The following CCDC146 variants were observed in gnomAD, a reference collection of about 807,000 sequenced individuals.
CCDC146 encodes the protein coiled-coil domain containing 146.
Under a neutral mutation model 119.3 loss-of-function variants are expected in CCDC146, and 92 were observed. The observed-to-expected ratio is 0.77, with a 90% confidence interval of 0.65 to 0.92. The LOEUF (loss-of-function observed/expected upper bound fraction) is 0.92, where lower values mean the gene tolerates loss of function less well. Ranked by LOEUF, CCDC146 falls within the 40% of genes least tolerant of loss-of-function variation. The pLI, the probability that CCDC146 is intolerant of heterozygous loss-of-function variation, is 0.00. For missense variants in CCDC146, 1,000 were observed against 1,103.0 expected (o/e 0.91, Z 1.32); for synonymous variants, 372 against 371.8 (o/e 1.00, Z -0.01).
intron 2 of CCDC146, among the ~76,000 whole-genome samples, chr7:77,203,023 A>C: frequency 2.1e-5 from 2 of 95,884 alleles, no homozygotes; most frequent in Non-Finnish European, 4.1e-5. Context: ...AAGGAAAATA[A>C]AATACTTGCC....
At chr7:77,140,605 C>T (rs1445970287) in intron 1 of CCDC146, among the ~76,000 whole-genome samples, 1 of 152,138 alleles carries the variant, frequency 6.6e-6, no homozygotes, top group Admixed American at 6.5e-5. Flanking sequence ...GACCTAATTA[C>T]CTCCCACAGG....
intron 4 of CCDC146, among the ~76,000 whole-genome samples, chr7:77,253,429 T>G (rs1793116599): frequency 6.6e-6 from 1 of 152,244 alleles, no homozygotes; most frequent in Non-Finnish European, 1.5e-5. Context: ...GTGAGGGTTT[T>G]CTGCAATCTG....
At chr7:77,124,197 T>A (rs1790663168) in intron 1 of CCDC146, among the ~76,000 whole-genome samples, 1 of 152,222 alleles carries the variant, frequency 6.6e-6, no homozygotes, top group African/African-American at 2.4e-5. Context: ...TGTTGCATAA[T>A]CATTATTTTA....
chr7:77,272,829 T>C (rs1339719903), intron 9 of CCDC146, among the ~76,000 whole-genome samples: 3 of 152,166 alleles, frequency 2.0e-5, no homozygotes, highest in African/African-American at 7.2e-5. Context: ...AGGAGAAAAG[T>C]GCAAGCCGTT....
Position 77,273,780 on chromosome 7 carries a change from G to T in CCDC146, c.1260G>T (p.Leu420Phe). The T allele has an allele frequency of 6.2e-7, 1 of 1,606,338 alleles. No homozygotes were observed. Among genetic ancestry groups the T allele is most frequent in the African/African-American group, 1.3e-5 (1 of 74,824 alleles). ...HKEVEVAKRN[L>F]AQQKIISEME... ...AAGTTGAAGTAGCTAAGAGGAATTT[G>T]GCCCAACAGGTTAATATCAATGCTC... The change falls in exon 10 of 19, where the codon TTG (leucine) becomes TTT (phenylalanine). Residue 420 changes from leucine (L) to phenylalanine (F), a missense_variant. Leu to Phe is a conservative substitution (Grantham distance 22). Coordinates refer to ENST00000285871, the MANE Select transcript of CCDC146 (RefSeq NM_020879.3).
intron 1 of CCDC146, among the ~76,000 whole-genome samples, chr7:77,155,879 T>C (rs2117455184): frequency 6.6e-6 from 1 of 152,188 alleles, no homozygotes; most frequent in South Asian, 2.1e-4. Flanking sequence ...TTATACCTAC[T>C]CAGAAATGAG....
In CCDC146 at chr7:77,204,139, A is replaced by G. The variant is rs1792043566; in HGVS notation, c.157-32808A>G. Among the ~76,000 whole-genome samples the G allele has an allele frequency of 1.3e-5, 2 of 152,192 alleles. 1 individual carries two copies. The highest frequency in any genetic ancestry group is 2.9e-5 in the Non-Finnish European group (2 of 68,008). Reference sequence around the variant, plus strand: ...TTTCACTGATATTAAGCTTATTAACATTTGTAGTTTCTGATTTATTAAACT... The same window carrying G: ...TTTCACTGATATTAAGCTTATTAACGTTTGTAGTTTCTGATTTATTAAACT... On this transcript the variant is annotated intron_variant, in intron 2 of 18. Coordinates refer to ENST00000285871, the MANE Select transcript of CCDC146 (RefSeq NM_020879.3).
At position 77,287,746 on chromosome 7, in the gene CCDC146, A is replaced by G. The variant is rs534465716; in HGVS notation, c.2415+169A>G. ...TCAGAGAATTGTCCAAAATGTTTCAATCTTATTCCCTGAATTAATTCACTT... is the reference window on the plus strand; with the variant it reads ...TCAGAGAATTGTCCAAAATGTTTCAGTCTTATTCCCTGAATTAATTCACTT... On this transcript the variant is annotated intron_variant, in intron 17 of 18. Transcript: ENST00000285871. 1.6e-4 allele frequency among the ~76,000 whole-genome samples: 25 copies of G among 152,364 alleles called. No individual in the cohort carries two copies. In the East Asian group the frequency reaches 3.3e-3, roughly 20 times the overall value.
At chr7:77,219,639 G>A (rs537850711) in intron 2 of CCDC146, among the ~76,000 whole-genome samples, 30 of 152,216 alleles carry the variant, frequency 2.0e-4, no homozygotes, top group East Asian at 5.8e-4. Flanking sequence ...CTTTATTATC[G>A]GGGGAACCAG....
chr7:77,202,458 AG>A (rs886497080), intron 2 of CCDC146, among the ~76,000 whole-genome samples: 1 of 152,224 alleles, frequency 6.6e-6, no homozygotes, highest in Non-Finnish European at 1.5e-5. Flanking sequence ...CAGTTAACCA[AG>A]GGCCAATGGC....
rs775631662 is a variant in CCDC146, at chr7:77,294,728, G to A, written c.2730G>A (p.Pro910=). ...TTTACACAACTGCAGAGCAGCGTCC[G>A]AATGCCTACATCCCAGAAGCAGATG... is the stretch of plus-strand genomic sequence containing the variant. The part of the protein sequence containing the change: ...NGVYTTAEQR[P]NAYIPEADAT... Residue 910 remains proline, a synonymous_variant, in exon 19 of 19, where the codon CCG becomes CCA. Transcript: ENST00000285871. 10 of 1,614,166 alleles carry A rather than the reference G, an allele frequency of 6.2e-6. No homozygotes were observed. Among genetic ancestry groups the A allele is most frequent in the East Asian group, 4.5e-5 (2 of 44,882 alleles).
At chr7:77,279,598 T>C (rs933980855) in intron 13 of CCDC146, among the ~76,000 whole-genome samples, 2 of 152,216 alleles carry the variant, frequency 1.3e-5, no homozygotes, top group African/African-American at 4.8e-5. Context: ...TTATAGCAGA[T>C]TGGTGAAAGA....
chr7:77,181,594 G>A (rs964148374), intron 2 of CCDC146, among the ~76,000 whole-genome samples: 2 of 152,192 alleles, frequency 1.3e-5, no homozygotes, highest in Admixed American at 6.6e-5. Flanking sequence ...TACTTTTTGT[G>A]TGAATTCTGC....
intron 15 of CCDC146, among the ~76,000 whole-genome samples, chr7:77,284,587 G>T (rs1252117276): frequency 6.6e-6 from 1 of 151,548 alleles, no homozygotes; most frequent in African/African-American, 2.4e-5. Context: ...CATATTCTTT[G>T]TGTTCACTGC....
chr7:77,287,185 A>C, intron 16 of CCDC146: 1 of 596,458 alleles, frequency 1.7e-6, no homozygotes. Context: ...GGCATCTTAA[A>C]TGGATTAATT....
rs530008878 is a variant in CCDC146 at position 77,188,321 on chromosome 7, T to C, written c.156+20497T>C. ...AGCGCATAAATATGTATACCTACTATGTACCCACAATTTTTTAAAAAGATC... is the reference window on the plus strand; with the variant it reads ...AGCGCATAAATATGTATACCTACTACGTACCCACAATTTTTTAAAAAGATC... On this transcript the variant is annotated intron_variant, in intron 2 of 18. Coordinates refer to ENST00000285871, the MANE Select transcript of CCDC146 (RefSeq NM_020879.3). Among the ~76,000 whole-genome samples, 15 of 152,304 alleles carry C rather than the reference T, an allele frequency of 9.8e-5. No individual in the cohort carries two copies. In the South Asian group the frequency reaches 1.0e-3, roughly 11 times the overall value.
chr7:77,211,055 G>T (rs189535492), intron 2 of CCDC146, among the ~76,000 whole-genome samples: 5 of 152,248 alleles, frequency 3.3e-5, no homozygotes, highest in African/African-American at 7.2e-5. Flanking sequence ...TTTTAAAATT[G>T]TGAAGTATAT....
intron 2 of CCDC146, among the ~76,000 whole-genome samples, chr7:77,197,236 T>C (rs573914115): frequency 1.3e-5 from 2 of 152,306 alleles, no homozygotes; most frequent in African/African-American, 4.8e-5. Context: ...CAAACGACAA[T>C]AAGAAAATAA....
Position 77,239,160 on chromosome 7 carries a change from G to A in CCDC146, c.239+2131G>A, listed in dbSNP as rs1441773855. Reference sequence around the variant, plus strand: ...TTTTAAATACATGTGGGTAAGTTGCGATTTGTGTTCTGGCTGGAACCCTAC... The same window carrying A: ...TTTTAAATACATGTGGGTAAGTTGCAATTTGTGTTCTGGCTGGAACCCTAC... On this transcript the variant is annotated intron_variant, in intron 3 of 18. Coordinates refer to ENST00000285871, the MANE Select transcript of CCDC146 (RefSeq NM_020879.3). Among the ~76,000 whole-genome samples, 5 of 152,138 alleles carry A rather than the reference G, an allele frequency of 3.3e-5. No homozygotes were observed. In the East Asian group the frequency reaches 7.7e-4, roughly 23 times the overall value.
Sources: gnomAD v4.1 joint callset for allele counts (sites outside exome capture counted in the v4.1 genomes callset) on GRCh38, gnomAD v4.1.1 for gene constraint, MANE v1.5 for transcripts, NCBI Gene and HGNC (gene_info 2026-07-23, HGNC 2026-07-21) for gene names.